Variants in TMCC1 observed in about 807,000 individuals in gnomAD.
TMCC1 encodes transmembrane and coiled-coil domains protein 1.
In TMCC1, 15 loss-of-function variants were observed where a neutral mutation model predicts 52.4. That is an observed-to-expected ratio of 0.29 (90% CI 0.19 to 0.44). TMCC1 has a LOEUF of 0.44. Ranked by LOEUF, TMCC1 falls within the 20% of genes least tolerant of loss-of-function variation. The pLI, the probability that TMCC1 is intolerant of heterozygous loss-of-function variation, is 1.00. For synonymous variants in TMCC1, 279 were observed against 301.9 expected (o/e 0.92, Z 0.79); for missense variants, 503 against 806.0 (o/e 0.62, Z 4.55).
chr3:129,693,236 G>A (rs1481786071), intron 4 of TMCC1, among the ~76,000 whole-genome samples: 1 of 152,034 alleles, frequency 6.6e-6, no homozygotes, highest in East Asian at 1.9e-4. Context: ...ATTCTTATTT[G>A]TGTATAATTT....
intron 1 of TMCC1, among the ~76,000 whole-genome samples, chr3:129,882,073 A>C (rs1448233032): frequency 6.6e-6 from 1 of 152,224 alleles, no homozygotes; most frequent in African/African-American, 2.4e-5. Flanking sequence ...CCTTGAAACC[A>C]GACATAAAGA....
chr3:129,731,715 G>A (rs1160523022), intron 4 of TMCC1, among the ~76,000 whole-genome samples: 1 of 151,288 alleles, frequency 6.6e-6, no homozygotes, highest in Non-Finnish European at 1.5e-5. Flanking sequence ...CATACTTACT[G>A]GCTCAAGCCA....
intron 4 of TMCC1, among the ~76,000 whole-genome samples, chr3:129,714,723 AC>A (rs1045459442): frequency 1.7e-4 from 26 of 152,316 alleles, no homozygotes; most frequent in African/African-American, 6.3e-4. Flanking sequence ...AAAAAAGCCA[AC>A]TTTAATTAGG....
chr3:129,801,644 C>T (rs2057203554), intron 4 of TMCC1, among the ~76,000 whole-genome samples: 1 of 152,106 alleles, frequency 6.6e-6, no homozygotes, highest in African/African-American at 2.4e-5. Flanking sequence ...TTTTGTTGGC[C>T]AGGCTGGCCT....
intron 4 of TMCC1, among the ~76,000 whole-genome samples, chr3:129,710,247 C>G (rs2048572779): frequency 6.6e-6 from 1 of 152,096 alleles, no homozygotes; most frequent in Non-Finnish European, 1.5e-5. Flanking sequence ...AGATCTGCTT[C>G]CAGGTTAAAG....
intron 4 of TMCC1, among the ~76,000 whole-genome samples, chr3:129,717,038 A>C (rs1484894793): frequency 6.6e-6 from 1 of 152,188 alleles, no homozygotes; most frequent in Non-Finnish European, 1.5e-5. Context: ...TCAGCATGTA[A>C]ATCTTATTTC....
rs868526404 is a variant in TMCC1 at position 129,763,227 on chromosome 3, T to A, written c.576+64576A>T. Among the ~76,000 whole-genome samples the A allele has an allele frequency of 8.1e-3, 1,009 of 124,378 alleles. 45 individuals are homozygous for A. Among genetic ancestry groups the A allele is most frequent in the African/African-American group, 0.016 (468 of 30,028 alleles). 81.6% of individuals were successfully genotyped at this position (124,378 alleles called of 152,430 possible). A position where few individuals can be genotyped will look rare whatever the true frequency, so the allele number is the denominator to read the frequency against. On this transcript the variant is annotated intron_variant, in intron 4 of 6. Transcript: ENST00000393238. Reference sequence around the variant, plus strand: ...AATAAAAAATAAATAAATAAATAAATAAATAAATAAATAAATAAATAAATA... The same window carrying A: ...AATAAAAAATAAATAAATAAATAAAAAAATAAATAAATAAATAAATAAATA...
At chr3:129,862,891 GATTTT>G (rs1216929243) in intron 2 of TMCC1, among the ~76,000 whole-genome samples, 1 of 152,122 alleles carries the variant, frequency 6.6e-6, no homozygotes, top group Non-Finnish European at 1.5e-5. Flanking sequence ...CTTGGATTAG[GATTTT>G]ATTAGGAAAG....
chr3:129,674,853 T>A (rs1044114773), intron 4 of TMCC1, among the ~76,000 whole-genome samples: 2 of 152,264 alleles, frequency 1.3e-5, no homozygotes, highest in Non-Finnish European at 2.9e-5. Flanking sequence ...TCTTCTTTTT[T>A]TTTTGAGACA....
At chr3:129,774,800 T>C (rs1441642464) in intron 4 of TMCC1, among the ~76,000 whole-genome samples, 1 of 152,220 alleles carries the variant, frequency 6.6e-6, no homozygotes, top group African/African-American at 2.4e-5. Context: ...TAGTTTTGTG[T>C]GGCTGTGGGG....
intron 4 of TMCC1, among the ~76,000 whole-genome samples, chr3:129,674,649 CA>C (rs1194687724): frequency 2.0e-5 from 3 of 152,044 alleles, no homozygotes; most frequent in Admixed American, 6.6e-5. Context: ...AATCACAGGA[CA>C]GGGGAGGAAA....
chr3:129,829,807 C>G (rs1050980983), intron 3 of TMCC1, among the ~76,000 whole-genome samples: 3 of 152,272 alleles, frequency 2.0e-5, no homozygotes, highest in Non-Finnish European at 4.4e-5. Flanking sequence ...CCTGTGAACT[C>G]AAGGCTACTA....
At chr3:129,877,269 A>G (rs2061258456) in intron 2 of TMCC1, among the ~76,000 whole-genome samples, 1 of 152,198 alleles carries the variant, frequency 6.6e-6, no homozygotes, top group African/African-American at 2.4e-5. Context: ...GTTAATTCTC[A>G]GCCCTCATCT....
intron 4 of TMCC1, among the ~76,000 whole-genome samples, chr3:129,822,423 G>C (rs1379219373): frequency 6.6e-6 from 1 of 152,066 alleles, no homozygotes; most frequent in Non-Finnish European, 1.5e-5. Flanking sequence ...CTGGGCATTA[G>C]AGCAAGACCC....
At chr3:129,749,806 A>C (rs551859968) in intron 4 of TMCC1, among the ~76,000 whole-genome samples, 30 of 152,210 alleles carry the variant, frequency 2.0e-4, no homozygotes, top group Non-Finnish European at 3.5e-4. Context: ...ACAGAAATCT[A>C]AATATGGGGA....
At chr3:129,713,408 C>T (rs1454765367) in intron 4 of TMCC1, among the ~76,000 whole-genome samples, 2 of 152,094 alleles carry the variant, frequency 1.3e-5, no homozygotes, top group Non-Finnish European at 2.9e-5. Flanking sequence ...TAACCTATGA[C>T]ATTTGGTAAA....
intron 4 of TMCC1, among the ~76,000 whole-genome samples, chr3:129,800,826 TCACTATGTTG>T (rs2057140662): frequency 6.6e-6 from 1 of 152,164 alleles, no homozygotes; most frequent in South Asian, 2.1e-4. Context: ...TGATTATTTT[TCACTATGTTG>T]CAAAGAACAC....
Position 129,767,370 on chromosome 3 carries a change from G to A in TMCC1, c.576+60433C>T, listed in dbSNP as rs182243066. ...ACAGAAGTGTGCAACCATTACCACA[G>A]TCAATTTTTTTTTTTTAAATTGGAG... On this transcript the variant is annotated intron_variant, in intron 4 of 6. Transcript: ENST00000393238. 2.4e-3 allele frequency among the ~76,000 whole-genome samples: 365 copies of A among 151,786 alleles called. 3 individuals carry two copies. Among genetic ancestry groups the A allele is most frequent in the African/African-American group, 8.1e-3 (337 of 41,404 alleles).
chr3:129,787,034 G>C (rs1202550454), intron 4 of TMCC1, among the ~76,000 whole-genome samples: 1 of 151,990 alleles, frequency 6.6e-6, no homozygotes, highest in Non-Finnish European at 1.5e-5. Context: ...ATTCCTCCTG[G>C]TATAAAATTG....
Sources: gnomAD v4.1 joint callset for allele counts (sites outside exome capture counted in the v4.1 genomes callset) on GRCh38, gnomAD v4.1.1 for gene constraint, MANE v1.5 for transcripts, NCBI Gene and HGNC (gene_info 2026-07-23, HGNC 2026-07-21) for gene names.